The following DAB1 variants were observed in gnomAD, a reference collection of about 807,000 sequenced individuals.
DAB1 encodes disabled homolog 1.
Under a neutral mutation model 64.6 loss-of-function variants are expected in DAB1, and 15 were observed. The observed-to-expected ratio is 0.23, with a 90% CI of 0.16 to 0.36. DAB1 has a LOEUF of 0.36. DAB1 is among the 10% of genes least tolerant of loss of function. The pLI is 1.00. For synonymous variants in DAB1, 235 were observed against 251.9 expected (o/e 0.93, Z 0.64); for missense variants, 596 against 706.7 (o/e 0.84, Z 1.78).
chr1:57,166,129 T>C (rs895738238), intron 2 of DAB1, among the ~76,000 whole-genome samples: 4 of 152,228 alleles, frequency 2.6e-5, no homozygotes, highest in African/African-American at 9.6e-5. Context: ...GAAGCAATTA[T>C]GCTATGTTTA....
At chr1:58,295,703 G>A (rs1316583955) in intron 4 of DAB1, among the ~76,000 whole-genome samples, 2 of 152,052 alleles carry the variant, frequency 1.3e-5, no homozygotes, top group African/African-American at 2.4e-5. Flanking sequence ...CTGGCCTCTG[G>A]TGGAGGCTCT....
intron 7 of DAB1, among the ~76,000 whole-genome samples, chr1:57,561,223 G>T (rs558673471): frequency 3.9e-5 from 6 of 152,278 alleles, no homozygotes; most frequent in African/African-American, 1.4e-4. Flanking sequence ...CTGTTTCACA[G>T]GTGGTTCTTA....
At chr1:58,187,073 T>G (rs561468199) in intron 4 of DAB1, among the ~76,000 whole-genome samples, 1 of 152,230 alleles carries the variant, frequency 6.6e-6, no homozygotes, top group South Asian at 2.1e-4. Flanking sequence ...ATAACCCAAC[T>G]TCATGGATTA....
intron 4 of DAB1, among the ~76,000 whole-genome samples, chr1:58,201,665 A>T (rs1658006051): frequency 6.6e-6 from 1 of 152,242 alleles, no homozygotes; most frequent in African/African-American, 2.4e-5. Flanking sequence ...ATTACCTTTT[A>T]GCAAGCACTG....
intron 8 of DAB1, among the ~76,000 whole-genome samples, chr1:57,068,359 G>A (rs925665517): frequency 1.3e-5 from 2 of 152,180 alleles, no homozygotes; most frequent in Non-Finnish European, 2.9e-5. Flanking sequence ...AGATCCAGTG[G>A]AGAGAAAATA....
intron 3 of DAB1, among the ~76,000 whole-genome samples, chr1:57,136,981 TTATATTAGATATGGTTTCAA>T (rs1379323460): frequency 6.6e-5 from 10 of 152,200 alleles, no homozygotes; most frequent in Non-Finnish European, 1.0e-4. Context: ...TTTCTGGGTT[TTATATTAGATATGGTTTCAA>T]TCTTTTAAAT....
At chr1:58,165,549 A>G (rs1013046521) in intron 4 of DAB1, among the ~76,000 whole-genome samples, 13 of 152,312 alleles carry the variant, frequency 8.5e-5, no homozygotes, top group East Asian at 1.9e-4. Flanking sequence ...AGTAGATACA[A>G]CAGAGCATGC....
intron 4 of DAB1, among the ~76,000 whole-genome samples, chr1:57,105,793 T>C (rs1455369565): frequency 6.6e-6 from 1 of 152,214 alleles, no homozygotes; most frequent in Non-Finnish European, 1.5e-5. Flanking sequence ...TATTTCCTTT[T>C]CCTTTTTTAT....
intron 6 of DAB1, among the ~76,000 whole-genome samples, chr1:57,740,829 G>A (rs1165627176): frequency 6.6e-6 from 1 of 152,110 alleles, no homozygotes; most frequent in Non-Finnish European, 1.5e-5. Context: ...CCTTTTGTGT[G>A]GATTTTATGT....
At chr1:58,281,908 C>A (rs1232380020) in intron 4 of DAB1, among the ~76,000 whole-genome samples, 3 of 152,076 alleles carry the variant, frequency 2.0e-5, no homozygotes, top group Non-Finnish European at 4.4e-5. Context: ...ACCACTATCA[C>A]CACCACTACC....
At position 58,218,989 on chromosome 1, in the gene DAB1, T is replaced by TTCTCTCTCTCTCTCTC. The variant is rs1049058578; in HGVS notation, n.310-68417_310-68402dup. 2.9e-3 allele frequency among the ~76,000 whole-genome samples: 366 copies of TTCTCTCTCTCTCTCTC among 125,842 alleles called. 5 individuals carry two copies. Among genetic ancestry groups the TTCTCTCTCTCTCTCTC allele is most frequent in the African/African-American group, 0.011 (335 of 30,056 alleles). 82.6% of individuals were successfully genotyped at this position (125,842 alleles called of 152,430 possible). A position where few individuals can be genotyped will look rare whatever the true frequency, so the allele number is the denominator to read the frequency against. On this transcript the variant is annotated intron_variant and non_coding_transcript_variant, in intron 4 of 20. Transcript: ENST00000485760. ...GAGTAATCCCCCATAATTCTGGCCA[T>TTCTCTCTCTCTCTCTC]TCTCTCTCTCTCTCTCTCTCTCTCT... is the stretch of plus-strand genomic sequence containing the variant.
chr1:57,925,111 C>G (rs987813837), intron 5 of DAB1, among the ~76,000 whole-genome samples: 2 of 152,132 alleles, frequency 1.3e-5, no homozygotes, highest in Admixed American at 1.3e-4. Flanking sequence ...TCAAGTTCAG[C>G]TTTTCTTCTA....
chr1:57,253,116 G>C (rs955034375), intron 2 of DAB1, among the ~76,000 whole-genome samples: 23 of 152,168 alleles, frequency 1.5e-4, no homozygotes, highest in African/African-American at 5.5e-4. Context: ...GGGAGGAGTG[G>C]AGCTCTTCTG....
At chr1:57,168,746 A>G (rs553441178) in intron 2 of DAB1, among the ~76,000 whole-genome samples, 1 of 152,236 alleles carries the variant, frequency 6.6e-6, no homozygotes, top group East Asian at 1.9e-4. Context: ...TTCATATTGA[A>G]CAGTTTCTTA....
chr1:57,421,234 C>T (rs1383661146), intron 1 of DAB1, among the ~76,000 whole-genome samples: 1 of 152,108 alleles, frequency 6.6e-6, no homozygotes, highest in Non-Finnish European at 1.5e-5. Flanking sequence ...AATCTCTTCC[C>T]GGCAGCCTCA....
intron 5 of DAB1, among the ~76,000 whole-genome samples, chr1:58,095,012 T>C (rs1650895948): frequency 6.6e-6 from 1 of 152,174 alleles, no homozygotes; most frequent in South Asian, 2.1e-4. Flanking sequence ...TTACAGTCTC[T>C]ATTGCAACTG....
intron 4 of DAB1, among the ~76,000 whole-genome samples, chr1:58,244,625 G>C (rs1393836477): frequency 1.3e-5 from 2 of 152,154 alleles, no homozygotes; most frequent in African/African-American, 2.4e-5. Context: ...AGAAAGACTT[G>C]AGTTTATACC....
intron 5 of DAB1, among the ~76,000 whole-genome samples, chr1:58,062,302 G>GTAAGTA (rs1648551178): frequency 6.6e-6 from 1 of 152,176 alleles, no homozygotes; most frequent in Non-Finnish European, 1.5e-5. Flanking sequence ...GCTTGGTAGA[G>GTAAGTA]GTCACAGACC....
chr1:58,040,245 T>A (rs1647114364), intron 5 of DAB1, among the ~76,000 whole-genome samples: 1 of 152,180 alleles, frequency 6.6e-6, no homozygotes, highest in Admixed American at 6.5e-5. Context: ...AAATCCCTTT[T>A]TAAGGAAGAA....
Sources: gnomAD v4.1 joint callset for allele counts (sites outside exome capture counted in the v4.1 genomes callset) on GRCh38, gnomAD v4.1.1 for gene constraint, MANE v1.5 for transcripts, NCBI Gene and HGNC (gene_info 2026-07-23, HGNC 2026-07-21) for gene names.